The following VPS41 variants were observed in gnomAD, a reference collection of about 807,000 sequenced individuals.
VPS41 encodes the protein vacuolar protein sorting-associated protein 41 homolog.
In VPS41, 85 loss-of-function variants were observed where a neutral mutation model predicts 130.9. The observed-to-expected ratio is 0.65, with a 90% CI of 0.55 to 0.78. The LOEUF (loss-of-function observed/expected upper bound fraction) is 0.78. Among genes scored for constraint, VPS41 ranks in the 30% least tolerant of loss-of-function variants. VPS41 has a pLI of 0.00. For missense variants in VPS41, 874 were observed against 1,018.7 expected, an observed-to-expected ratio of 0.86 and a Z score of 1.93; for synonymous variants, 335 against 332.9, an observed-to-expected ratio of 1.01 and a Z score of -0.07.
At chr7:38,831,770 G>C (rs1382597055) in intron 4 of VPS41, among the ~76,000 whole-genome samples, 1 of 152,194 alleles carries the variant, frequency 6.6e-6, no homozygotes, top group Non-Finnish European at 1.5e-5. Flanking sequence ...GGAAAATGAG[G>C]CTTCAAGAAT....
chr7:38,789,985 T>C (rs1784507693), intron 9 of VPS41, 118 bp from the exon 10 acceptor site: 1 of 923,156 alleles, frequency 1.1e-6, no homozygotes, highest in Non-Finnish European at 1.7e-6. Flanking sequence ...TGGAGTACAA[T>C]CTACCCTATG....
Position 38,821,223 on chromosome 7 carries a change from T to A in VPS41, c.364A>T (p.Thr122Ser). The A allele has an allele frequency of 1.2e-6, 2 of 1,613,762 alleles. No individual in the cohort carries two copies. Among genetic ancestry groups the A allele is most frequent in the Non-Finnish European group, 1.7e-6 (2 of 1,179,882 alleles). Residue 122 changes from threonine to serine, a missense_variant, in exon 6 of 29, where the codon ACT becomes TCT. By Grantham distance (58) the Thr-to-Ser change is moderately conservative. Coordinates refer to ENST00000310301, the MANE Select transcript of VPS41 (RefSeq NM_014396.4). ...CTTACTTTAATGGGACAGTCAAAAG[T>A]CTCGTGAAATTCTTCTCCAGAATAC... ...GLYSGEEFHETFDCPIKIIAV... is the reference protein window; with the variant it reads ...GLYSGEEFHESFDCPIKIIAV...
At chr7:38,831,333 C>T in intron 4 of VPS41, 1 of 428,840 alleles carries the variant, frequency 2.3e-6, no homozygotes, top group South Asian at 1.7e-5. Flanking sequence ...GCCTTTAAAA[C>T]TGAAAGTTAA....
intron 11 of VPS41, chr7:38,775,141 C>T (rs1784234264): frequency 6.6e-6 from 1 of 152,104 alleles, no homozygotes; most frequent in South Asian, 2.1e-4. Context: ...TTCAATGTCG[C>T]TAAACCACCT....
At chr7:38,784,056 T>A (rs1164300680) in intron 10 of VPS41, among the ~76,000 whole-genome samples, 1 of 152,234 alleles carries the variant, frequency 6.6e-6, no homozygotes, top group Non-Finnish European at 1.5e-5. Context: ...AAACACAATT[T>A]TCAGATCTTC....
intron 4 of VPS41, among the ~76,000 whole-genome samples, chr7:38,860,519 A>G (rs1264577717): frequency 1.3e-5 from 2 of 152,124 alleles, no homozygotes; most frequent in African/African-American, 4.8e-5. Context: ...AGAAGTTATC[A>G]AACAACATGA....
intron 4 of VPS41, among the ~76,000 whole-genome samples, chr7:38,848,959 T>C (rs1363943149): frequency 6.6e-6 from 1 of 152,134 alleles, no homozygotes; most frequent in Non-Finnish European, 1.5e-5. Context: ...AAGGGACTCA[T>C]TTTCGTGTAA....
chr7:38,752,536 C>G (rs1362000817), intron 21 of VPS41, among the ~76,000 whole-genome samples: 1 of 152,144 alleles, frequency 6.6e-6, no homozygotes, highest in East Asian at 1.9e-4. Context: ...GACTCTGCCA[C>G]GTACCAACTG....
chr7:38,762,821 C>T (rs890451553), intron 17 of VPS41, among the ~76,000 whole-genome samples: 1 of 152,124 alleles, frequency 6.6e-6, no homozygotes, highest in Non-Finnish European at 1.5e-5. Context: ...ACTGACCAGA[C>T]ATACATCCTA....
At chr7:38,768,678 C>T (rs1784096087) in intron 14 of VPS41, among the ~76,000 whole-genome samples, 1 of 151,932 alleles carries the variant, frequency 6.6e-6, no homozygotes, top group Non-Finnish European at 1.5e-5. Context: ...TCACACGTAA[C>T]AATTCTACAC....
intron 2 of VPS41, among the ~76,000 whole-genome samples, chr7:38,894,524 T>G (rs774842474): frequency 4.6e-5 from 7 of 152,114 alleles, no homozygotes; most frequent in Non-Finnish European, 1.0e-4. Flanking sequence ...TGAGCCACCA[T>G]GACAATATCT....
intron 28 of VPS41, 57 bp from the exon 29 acceptor site, chr7:38,726,383 A>G (rs1795545235): frequency 7.2e-7 from 1 of 1,386,456 alleles, no homozygotes; most frequent in Non-Finnish European, 1.0e-6. Context: ...TTCTACTCTC[A>G]TATTCAGAAA....
intron 14 of VPS41, among the ~76,000 whole-genome samples, chr7:38,770,210 G>A (rs1430772570): frequency 1.3e-5 from 2 of 151,412 alleles, no homozygotes; most frequent in Admixed American, 6.6e-5. Flanking sequence ...CAGAGGTTGC[G>A]GTGAACCAAG....
At position 38,725,876 on chromosome 7, in the gene VPS41, C is replaced by T. The variant is rs12701661; in HGVS notation, c.*370G>A. ...CAGCTTGCAGGATAACCACAGTTGG[C>T]GACGCTTTCAGGCAGCTGGGAGAAT... On this transcript the variant is annotated 3_prime_UTR_variant, in exon 29 of 29. Transcript: ENST00000310301. 14,013 of 163,486 alleles carry T rather than the reference C, an allele frequency of 0.086. 692 individuals carry two copies. Among genetic ancestry groups the T allele is most frequent in the South Asian group, 0.13 (710 of 5,432 alleles). 10.1% of individuals were successfully genotyped at this position (163,486 alleles called of 1,614,324 possible).
chr7:38,753,093 A>G (rs1783713828), intron 21 of VPS41, among the ~76,000 whole-genome samples: 1 of 152,180 alleles, frequency 6.6e-6, no homozygotes, highest in Non-Finnish European at 1.5e-5. Flanking sequence ...TCAGAAGTCA[A>G]AAAACAATTC....
At chr7:38,742,380 A>G (rs1159376326) in intron 24 of VPS41, among the ~76,000 whole-genome samples, 1 of 152,192 alleles carries the variant, frequency 6.6e-6, no homozygotes, top group Non-Finnish European at 1.5e-5. Flanking sequence ...ACAAATGATT[A>G]CTTGCCTTCA....
chr7:38,861,770 G>A (rs528677745), intron 4 of VPS41, among the ~76,000 whole-genome samples: 1 of 152,122 alleles, frequency 6.6e-6, no homozygotes, highest in African/African-American at 2.4e-5. Context: ...ACACAACCAT[G>A]GAAGTTCTTG....
At chr7:38,728,625 T>G (rs1160505202) in intron 26 of VPS41, 39 bp from the exon 27 acceptor site, 1 of 1,614,096 alleles carries the variant, frequency 6.2e-7, no homozygotes, top group East Asian at 2.2e-5. Flanking sequence ...ATGCCCTGTT[T>G]ATACCTGCTT....
chr7:38,756,368 C>A (rs952801681), intron 19 of VPS41, among the ~76,000 whole-genome samples: 3 of 152,038 alleles, frequency 2.0e-5, no homozygotes, highest in Admixed American at 6.6e-5. Flanking sequence ...TTCCACATGT[C>A]CTGGACATGA....
Sources: allele counts gnomAD v4.1 joint callset (sites outside exome capture counted in the v4.1 genomes callset), GRCh38; gene constraint gnomAD v4.1.1; transcripts MANE v1.5; gene names NCBI Gene and HGNC (gene_info 2026-07-23, HGNC 2026-07-21).